KLHL29: variants seen among roughly 807,000 people sequenced by gnomAD.
The protein encoded by KLHL29 is kelch like family member 29.
In KLHL29, 21 loss-of-function variants were observed where a neutral mutation model predicts 80.4. That is an observed-to-expected ratio of 0.26 (90% CI 0.19 to 0.38). The LOEUF (loss-of-function observed/expected upper bound fraction) is 0.38, where lower values mean the gene tolerates loss of function less well. Among genes scored for constraint, KLHL29 ranks in the 10% least tolerant of loss-of-function variants. KLHL29 has a pLI of 1.00. For missense variants in KLHL29, 867 were observed against 1,223.9 expected (o/e 0.71, Z 4.35); for synonymous variants, 511 against 526.8 (o/e 0.97, Z 0.41).
At chr2:23,405,145 A>G (rs1057340329) in intron 1 of KLHL29, among the ~76,000 whole-genome samples, 1 of 152,228 alleles carries the variant, frequency 6.6e-6, no homozygotes, top group Non-Finnish European at 1.5e-5. Context: ...TTTTAATTGG[A>G]TAATTAGGCA....
At chr2:23,583,248 C>G (rs960477209) in intron 3 of KLHL29, among the ~76,000 whole-genome samples, 3 of 152,218 alleles carry the variant, frequency 2.0e-5, no homozygotes, top group Admixed American at 6.5e-5. Context: ...AAAATGATAC[C>G]CCATGGACAC....
At chr2:23,514,910 C>G (rs1211095108) in intron 2 of KLHL29, among the ~76,000 whole-genome samples, 1 of 152,178 alleles carries the variant, frequency 6.6e-6, no homozygotes, top group Admixed American at 6.5e-5. Flanking sequence ...TCCTGCACTT[C>G]CATTAATGAC....
chr2:23,518,427 G>T (rs892418202), intron 2 of KLHL29, among the ~76,000 whole-genome samples: 1 of 152,196 alleles, frequency 6.6e-6, no homozygotes, highest in African/African-American at 2.4e-5. Context: ...TGCAAAGAGA[G>T]GGGGGATCTT....
At chr2:23,566,038 G>A (rs1160137483) in intron 3 of KLHL29, among the ~76,000 whole-genome samples, 1 of 152,240 alleles carries the variant, frequency 6.6e-6, no homozygotes, top group Non-Finnish European at 1.5e-5. Flanking sequence ...GAGGAGGCTG[G>A]CTGTGCTCCC....
chr2:23,639,851 T>G (rs1169543788), intron 4 of KLHL29, among the ~76,000 whole-genome samples: 1 of 152,038 alleles, frequency 6.6e-6, no homozygotes, highest in South Asian at 2.1e-4. Flanking sequence ...ACCCCCTTCA[T>G]CCCCCTCTCA....
At chr2:23,494,444 C>G (rs1572355895) in intron 2 of KLHL29, among the ~76,000 whole-genome samples, 1 of 152,208 alleles carries the variant, frequency 6.6e-6, no homozygotes, top group African/African-American at 2.4e-5. Context: ...TAAGGAAACG[C>G]TTCCTGGGAA....
At chr2:23,480,856 T>C (rs1664780404) in intron 2 of KLHL29, among the ~76,000 whole-genome samples, 2 of 152,204 alleles carry the variant, frequency 1.3e-5, no homozygotes, top group African/African-American at 4.8e-5. Context: ...GTCACAACAG[T>C]GCACCCTCGT....
At chr2:23,419,654 G>T (rs1382065867) in intron 1 of KLHL29, among the ~76,000 whole-genome samples, 1 of 152,178 alleles carries the variant, frequency 6.6e-6, no homozygotes, top group Non-Finnish European at 1.5e-5. Flanking sequence ...ATGTCGAGCG[G>T]AATGAGTCCT....
Position 23,385,667 on chromosome 2 carries a change from G to C in KLHL29, c.-267G>C, listed in dbSNP as rs1666154671. The stretch of plus-strand genomic sequence containing the variant: ...CGTTTCCTCCGGCCAGGACCCGAGC[G>C]GCCCCAGCCACCGCTACCCGCCGGC... On this transcript the variant is annotated 5_prime_UTR_variant, in exon 1 of 14. Coordinates refer to ENST00000486442, the MANE Select transcript of KLHL29 (RefSeq NM_052920.2). The C allele has an allele frequency of 6.0e-6, 1 of 165,438 alleles. No individual in the cohort carries two copies. Among genetic ancestry groups the C allele is most frequent in the Non-Finnish European group, 1.5e-5 (1 of 67,902 alleles). 10.2% of individuals were successfully genotyped at this position (165,438 alleles called of 1,614,324 possible).
intron 1 of KLHL29, among the ~76,000 whole-genome samples, chr2:23,429,070 A>G (rs150560881): frequency 1.2e-3 from 178 of 152,282 alleles, no homozygotes; most frequent in African/African-American, 4.1e-3. Flanking sequence ...TTTGGAACTC[A>G]TGGCCAACTC....
At chr2:23,470,453 C>A (rs1664467492) in intron 1 of KLHL29, among the ~76,000 whole-genome samples, 1 of 152,176 alleles carries the variant, frequency 6.6e-6, no homozygotes, top group African/African-American at 2.4e-5. Context: ...TGACTTTGGA[C>A]AACCTTTTTT....
intron 1 of KLHL29, among the ~76,000 whole-genome samples, chr2:23,455,412 A>G (rs1238870767): frequency 6.6e-6 from 1 of 152,204 alleles, no homozygotes; most frequent in African/African-American, 2.4e-5. Context: ...GTTGTTATCA[A>G]CATTGGTTTG....
intron 3 of KLHL29, among the ~76,000 whole-genome samples, chr2:23,586,416 A>G (rs1027794370): frequency 3.5e-5 from 5 of 142,690 alleles, no homozygotes; most frequent in Non-Finnish European, 6.0e-5. Flanking sequence ...CTGGAGTGCA[A>G]TAGCGTGGTC....
intron 3 of KLHL29, among the ~76,000 whole-genome samples, chr2:23,587,873 T>A (rs576584532): frequency 6.6e-6 from 1 of 152,312 alleles, no homozygotes; most frequent in East Asian, 1.9e-4. Flanking sequence ...AGGGAAAGTG[T>A]TTTATTGTTA....
chr2:23,666,654 C>G (rs926522095), intron 5 of KLHL29, among the ~76,000 whole-genome samples: 1 of 152,248 alleles, frequency 6.6e-6, no homozygotes, highest in African/African-American at 2.4e-5. Flanking sequence ...GGGGCACTCA[C>G]CTCTGATCGT....
chr2:23,682,280 C>T lies in KLHL29; in HGVS notation c.941-2119C>T, dbSNP rs150250409. On this transcript the variant is annotated intron_variant, in intron 5 of 13. Coordinates refer to ENST00000486442, the MANE Select transcript of KLHL29 (RefSeq NM_052920.2). This position sits in a 1 kb window ranked among gnomAD's most constrained non-coding sequence, Gnocchi z 4.1. ...CCGCTGAGCGCTCCCTGTGTGCCCGCCACATGCTGTCTCATGGAACCTTCA... is the reference window on the plus strand; with the variant it reads ...CCGCTGAGCGCTCCCTGTGTGCCCGTCACATGCTGTCTCATGGAACCTTCA... Among the ~76,000 whole-genome samples, 19 of 152,324 alleles carry T rather than the reference C, an allele frequency of 1.2e-4. No individual in the cohort carries two copies. In the East Asian group the frequency reaches 3.7e-3, roughly 29 times the overall value.
In KLHL29 at chr2:23,581,828, C is replaced by CAA. The variant is rs58233449; in HGVS notation, c.285+19364_285+19365dup. Among the ~76,000 whole-genome samples the CAA allele has an allele frequency of 6.8e-3, 564 of 82,896 alleles. 25 individuals are homozygous for CAA. The highest frequency in any genetic ancestry group is 0.026 in the African/African-American group (547 of 20,760). 54.4% of individuals were successfully genotyped at this position (82,896 alleles called of 152,430 possible). On this transcript the variant is annotated intron_variant, in intron 3 of 13. Transcript: ENST00000486442. Reference sequence around the variant, plus strand: ...GGGCAACAAGAATGAAACTCTGCCTCAAAAAAAAAAAAAAAAAACTTTTAT... The same window carrying CAA: ...GGGCAACAAGAATGAAACTCTGCCTCAAAAAAAAAAAAAAAAAAAACTTTTAT...
chr2:23,559,549 A>G (rs1347424485), intron 2 of KLHL29, among the ~76,000 whole-genome samples: 1 of 152,070 alleles, frequency 6.6e-6, no homozygotes, highest in East Asian at 1.9e-4. Flanking sequence ...AGGCAGAGGA[A>G]TCTAAGACCT....
chr2:23,648,645 G>A (rs957501489), intron 5 of KLHL29, among the ~76,000 whole-genome samples: 2 of 152,174 alleles, frequency 1.3e-5, no homozygotes, highest in Admixed American at 6.5e-5. Flanking sequence ...TCAGTATCCC[G>A]TGGCATTCAG....
Sources: allele counts gnomAD v4.1 joint callset (sites outside exome capture counted in the v4.1 genomes callset), GRCh38; gene constraint gnomAD v4.1.1; non-coding constraint Gnocchi (gnomAD v3.1); transcripts MANE v1.5; gene names NCBI Gene and HGNC (gene_info 2026-07-23, HGNC 2026-07-21).